Variants in NFKBID observed in about 807,000 individuals in gnomAD.
NFKBID encodes NF-kappa-B inhibitor delta.
Under a neutral mutation model 53.4 loss-of-function variants are expected in NFKBID, and 26 were observed. The ratio of observed to expected loss-of-function variants is 0.49; its 90% CI spans 0.36 to 0.68. NFKBID has a LOEUF of 0.68. Ranked by LOEUF, NFKBID falls within the 30% of genes least tolerant of loss-of-function variation. The pLI is 0.00. For synonymous variants in NFKBID, 262 were observed against 259.8 expected, an observed-to-expected ratio of 1.01 and a Z score of -0.08; for missense variants, 493 against 614.1, an observed-to-expected ratio of 0.80 and a Z score of 2.08.
At chr19:35,900,813 CT>C (rs1240155426), upstream of NFKBID, among the ~76,000 whole-genome samples, 22 of 127,924 alleles carry the variant, frequency 1.7e-4, no homozygotes, top group African/African-American at 5.6e-4. Flanking sequence ...TTTTCTTTTT[CT>C]TTTTTTTCTT....
intron 9 of NFKBID, 59 bp from the exon 10 acceptor site, chr19:35,890,549 A>G: frequency 8.9e-7 from 1 of 1,119,342 alleles, no homozygotes; most frequent in Non-Finnish European, 1.4e-6. Context: ...GCCCTCCCAC[A>G]GAATCCAGGA....
chr19:35,896,602 C>G lies in NFKBID; in HGVS notation c.685-64G>C. ...CCCTCCCGTCAGAAAACCAGGCTCC[C>G]AGCCCCATCCCCCCTCAGCCCCAGG... is the stretch of plus-strand genomic sequence containing the variant. On this transcript the variant is annotated intron_variant, in intron 6 of 11. Coordinates refer to ENST00000641389, the Ensembl canonical transcript of NFKBID. This position sits in a 1 kb window ranked among gnomAD's most constrained non-coding sequence, Gnocchi z 5.7. 1 of 1,581,654 alleles carries G rather than the reference C, an allele frequency of 6.3e-7. No individual in the cohort carries two copies. Among genetic ancestry groups the G allele is most frequent in the African/African-American group, 1.3e-5 (1 of 74,214 alleles).
exon 11 of NFKBID, chr19:35,889,963 G>A (rs1477448748): frequency 6.8e-6 from 11 of 1,611,440 alleles, no homozygotes; most frequent in East Asian, 2.2e-5. Flanking sequence ...TGTGGGGTCC[G>A]CCCCAGCTGC....
At chr19:35,888,519 G>A (rs912278792) in exon 12 of NFKBID, 3 of 1,455,724 alleles carry the variant, frequency 2.1e-6, no homozygotes, top group South Asian at 1.2e-5. Context: ...CCGCAGGACG[G>A]TGGGGACTGG....
At chr19:35,889,795 C>A in intron 11 of NFKBID, 95 bp downstream of exon 11, 1 of 1,289,766 alleles carries the variant, frequency 7.8e-7, no homozygotes, top group Non-Finnish European at 1.1e-6. Flanking sequence ...GATTAGAAGT[C>A]ATTCTCTGAA....
Position 35,897,445 on chromosome 19 carries a change from T to C in NFKBID, c.432+206A>G, listed in dbSNP as rs1975258805. On this transcript the variant is annotated intron_variant, in intron 4 of 11. Transcript: ENST00000641389. ...AATTTTTTTATTTTTGGTTTCACCA[T>C]GTTGGCCAAGCTGGTCTCAAACGCC... 9.9e-6 allele frequency: 6 copies of C among 608,958 alleles called. No individual in the cohort carries two copies. The East Asian group carries it at 1.3e-4, about 14-fold the overall frequency. The allele number at this position is 608,958 out of a possible 1,614,324, so 37.7% of individuals were successfully genotyped here. A position where few individuals can be genotyped will look rare whatever the true frequency, so the allele number is the denominator to read the frequency against.
chr19:35,889,296 C>A (rs111868101), intron 11 of NFKBID, among the ~76,000 whole-genome samples: 2 of 151,960 alleles, frequency 1.3e-5, no homozygotes, highest in African/African-American at 4.8e-5. Flanking sequence ...CTCGAGGCTG[C>A]AGTGAGCTAT....
At chr19:35,898,686 G>A in intron 2 of NFKBID, 33 bp downstream of exon 2, 1 of 1,523,004 alleles carries the variant, frequency 6.6e-7, no homozygotes, top group Non-Finnish European at 8.8e-7. Flanking sequence ...GACAGCACGG[G>A]GCCTCCGGAG....
intron 4 of NFKBID, 51 bp from the exon 5 acceptor site, chr19:35,897,109 G>GGGT: frequency 6.4e-7 from 1 of 1,567,320 alleles, no homozygotes; most frequent in Non-Finnish European, 8.6e-7. Context: ...GGGTCCTGGA[G>GGGT]GGTGCAGGTG....
intron 11 of NFKBID, among the ~76,000 whole-genome samples, chr19:35,889,220 G>T (rs1219307715): frequency 6.6e-6 from 1 of 151,678 alleles, no homozygotes; most frequent in East Asian, 1.9e-4. Context: ...GCTGGGTGTG[G>T]TGGTGACTGC....
chr19:35,896,459 G>A lies in NFKBID; in HGVS notation c.764C>T (p.Ala255Val), dbSNP rs776950717. ...GACCGAACGTCCCTGATGGTCAGCG[G>A]CATTGGGCTCTGCTCCCAGGTTCAA... is the stretch of plus-strand genomic sequence containing the variant. The change falls in exon 7 of 12, where the codon GCC becomes GTC. Residue 255 changes from alanine to valine, a missense_variant. Coordinates refer to ENST00000641389, the Ensembl canonical transcript of NFKBID. This position sits in a 1 kb window ranked among gnomAD's most constrained non-coding sequence, Gnocchi z 5.7. The A allele has an allele frequency of 6.3e-5, 102 of 1,614,048 alleles. No individual in the cohort carries two copies. The highest frequency in any genetic ancestry group is 7.6e-5 in the Non-Finnish European group (90 of 1,180,014).
chr19:35,896,720 C>A lies in NFKBID; in HGVS notation c.684+6G>T. On this transcript the variant is annotated splice_donor_region_variant and intron_variant, in intron 6 of 11. Transcript: ENST00000641389. The surrounding 1 kb of genome is among the most constrained non-coding windows in gnomAD (Gnocchi z 5.7). ...AACCCAGGAGAGTTCAGGCCCCAAG[C>A]CTCACCTTGCCCTTATGCTCACGAA... The A allele has an allele frequency of 6.2e-7, 1 of 1,613,088 alleles. No individual in the cohort carries two copies. The highest frequency in any genetic ancestry group is 8.5e-7 in the Non-Finnish European group (1 of 1,179,302).
intron 9 of NFKBID, among the ~76,000 whole-genome samples, chr19:35,892,666 T>A (rs1974856885): frequency 6.6e-6 from 1 of 152,182 alleles, no homozygotes; most frequent in Admixed American, 6.6e-5. Context: ...AACTTAAATG[T>A]AATTTCCTCA....
rs765020355 is a variant in NFKBID at position 35,896,287 on chromosome 19, CAGACTGCTGGGT to C, written c.832-30_832-19del. On this transcript the variant is annotated intron_variant, in intron 7 of 11. Coordinates refer to ENST00000641389, the Ensembl canonical transcript of NFKBID. This position sits in a 1 kb window ranked among gnomAD's most constrained non-coding sequence, Gnocchi z 5.7. ...AGCACAGCCTGGGAGGAAGAGAAGGCAGACTGCTGGGTAAGGGTATCCCCTGGCCTCCTGGCC... is the reference window on the plus strand; with the variant it reads ...AGCACAGCCTGGGAGGAAGAGAAGGCAAGGGTATCCCCTGGCCTCCTGGCC... The C allele has an allele frequency of 4.3e-6, 7 of 1,614,182 alleles. No individual in the cohort carries two copies. The highest frequency in any genetic ancestry group is 5.9e-6 in the Non-Finnish European group (7 of 1,180,002).
chr19:35,895,916 G>A (rs2146956348), intron 9 of NFKBID, 64 bp downstream of exon 9: 10 of 1,508,856 alleles, frequency 6.6e-6, no homozygotes, highest in South Asian at 2.4e-5. Context: ...TGGAGCTCCC[G>A]GACATCCAAG....
intron 9 of NFKBID, among the ~76,000 whole-genome samples, chr19:35,893,428 A>G (rs1974916321): frequency 6.6e-6 from 1 of 152,134 alleles, no homozygotes; most frequent in Non-Finnish European, 1.5e-5. Context: ...CTTACAGTCC[A>G]TCCCCACCAT....
upstream of NFKBID, among the ~76,000 whole-genome samples, chr19:35,900,827 CTTTTTTTTTTTT>C (rs60365058): frequency 2.5e-4 from 27 of 107,590 alleles, no homozygotes; most frequent in Admixed American, 2.0e-4. Context: ...TTTTTCTTTT[CTTTTTTTTTTTT>C]TTTTTTTTTT....
At chr19:35,897,592 G>A (rs189543096) in intron 4 of NFKBID, 59 bp downstream of exon 4, 138 of 835,850 alleles carry the variant, frequency 1.7e-4, no homozygotes, top group Non-Finnish European at 2.7e-4. Context: ...AATACTGCAG[G>A]AGTGCAACTG....
exon 4 of NFKBID, chr19:35,897,677 G>C: frequency 6.2e-7 from 1 of 1,603,854 alleles, no homozygotes; most frequent in Admixed American, 1.7e-5. Context: ...AATGGGCACG[G>C]CTGCCCTGGG....
Sources: allele counts gnomAD v4.1 joint callset (sites outside exome capture counted in the v4.1 genomes callset), GRCh38; gene constraint gnomAD v4.1.1; non-coding constraint Gnocchi (gnomAD v3.1); transcripts MANE v1.5; gene names NCBI Gene and HGNC (gene_info 2026-07-23, HGNC 2026-07-21).